EXOC4: variants seen among roughly 807,000 people sequenced by gnomAD.
The protein encoded by EXOC4 is exocyst complex component 4, also known as SEC8-like 1.
EXOC4 carries 71 observed loss-of-function variants against 107.2 expected under a neutral mutation model. The ratio of observed to expected loss-of-function variants is 0.66; its 90% CI spans 0.55 to 0.81. The LOEUF (loss-of-function observed/expected upper bound fraction) is 0.81. Among genes scored for constraint, EXOC4 ranks in the 30% least tolerant of loss-of-function variants. The pLI is 0.00. For synonymous variants in EXOC4, 456 were observed against 441.2 expected (o/e 1.03, Z -0.42); for missense variants, 1,108 against 1,189.6 (o/e 0.93, Z 1.01).
intron 10 of EXOC4, among the ~76,000 whole-genome samples, chr7:133,648,299 A>G (rs542205175): frequency 2.6e-5 from 4 of 152,236 alleles, no homozygotes; most frequent in African/African-American, 9.6e-5. Context: ...ACTTTTAGCA[A>G]CCTCACATGC....
At chr7:133,841,281 G>A (rs1192521945) in intron 11 of EXOC4, among the ~76,000 whole-genome samples, 1 of 152,114 alleles carries the variant, frequency 6.6e-6, no homozygotes, top group African/African-American at 2.4e-5. Context: ...CTGTCACCTT[G>A]GGGGTTAGGA....
At chr7:134,017,222 G>T (rs928207548) in intron 17 of EXOC4, among the ~76,000 whole-genome samples, 4 of 152,036 alleles carry the variant, frequency 2.6e-5, no homozygotes, top group African/African-American at 7.2e-5. Context: ...ATTATTAGCC[G>T]TGTAGATTTG....
intron 9 of EXOC4, among the ~76,000 whole-genome samples, chr7:133,618,904 AG>A (rs1802259687): frequency 6.6e-6 from 1 of 152,186 alleles, no homozygotes; most frequent in African/African-American, 2.4e-5. Context: ...CTGTGAAAAC[AG>A]GAAAAATGCC....
intron 13 of EXOC4, among the ~76,000 whole-genome samples, chr7:133,927,844 C>T (rs1266276814): frequency 1.3e-5 from 2 of 152,160 alleles, no homozygotes; most frequent in Non-Finnish European, 2.9e-5. Context: ...ACAGAAAAGA[C>T]AGGTCATTAA....
At chr7:133,901,615 T>C (rs1799453775) in intron 12 of EXOC4, among the ~76,000 whole-genome samples, 1 of 152,236 alleles carries the variant, frequency 6.6e-6, no homozygotes, top group Admixed American at 6.5e-5. Flanking sequence ...ATTGTCAATC[T>C]TTTATAACTG....
At chr7:133,369,876 G>A (rs906891744) in intron 6 of EXOC4, among the ~76,000 whole-genome samples, 2 of 138,526 alleles carry the variant, frequency 1.4e-5, no homozygotes, top group African/African-American at 2.8e-5. Context: ...GCGCAATTTG[G>A]CTCACCCAAC....
intron 10 of EXOC4, among the ~76,000 whole-genome samples, chr7:133,742,064 A>C (rs572988786): frequency 6.6e-6 from 1 of 152,318 alleles, no homozygotes; most frequent in East Asian, 1.9e-4. Context: ...TGTAGGTACT[A>C]AACTACTTCT....
intron 10 of EXOC4, among the ~76,000 whole-genome samples, chr7:133,676,010 G>C (rs780863954): frequency 2.0e-5 from 3 of 152,044 alleles, no homozygotes; most frequent in Non-Finnish European, 4.4e-5. Flanking sequence ...AATGTCGTCT[G>C]CTTCATGAGC....
downstream of EXOC4, among the ~76,000 whole-genome samples, chr7:134,069,645 T>G (rs899700736): frequency 3.3e-5 from 5 of 152,056 alleles, no homozygotes; most frequent in African/African-American, 1.2e-4. Flanking sequence ...CTACAGACCA[T>G]GCCCAGATAA....
chr7:133,419,759 T>C (rs1394750771), intron 7 of EXOC4, among the ~76,000 whole-genome samples: 1 of 152,144 alleles, frequency 6.6e-6, no homozygotes, highest in Non-Finnish European at 1.5e-5. Flanking sequence ...CCGACTCTTA[T>C]TATTTTCCTA....
intron 8 of EXOC4, chr7:133,479,770 G>T (rs1799109063): frequency 2.8e-6 from 1 of 359,940 alleles, no homozygotes; most frequent in Non-Finnish European, 5.2e-6. Flanking sequence ...GGGTCTGAAA[G>T]CAAAAGGAAG....
chr7:133,415,321 A>G (rs531932509), intron 7 of EXOC4, among the ~76,000 whole-genome samples: 122 of 152,246 alleles, frequency 8.0e-4, no homozygotes, highest in African/African-American at 2.7e-3. Flanking sequence ...ATTCCTGGTA[A>G]CCCTATGTTG....
chr7:133,830,852 C>A (rs114367444), intron 11 of EXOC4, among the ~76,000 whole-genome samples: 1 of 152,240 alleles, frequency 6.6e-6, no homozygotes, highest in Non-Finnish European at 1.5e-5. Context: ...AAACTTAATG[C>A]CCTCTTGCTG....
chr7:133,925,993 T>C (rs1389166009), intron 13 of EXOC4, among the ~76,000 whole-genome samples: 1 of 145,962 alleles, frequency 6.9e-6, no homozygotes, highest in African/African-American at 2.6e-5. Context: ...GAGCCGAGAT[T>C]GCGCCACTGA....
In EXOC4 at chr7:133,849,560, G is replaced by A. The variant is rs141936567; in HGVS notation, c.1734+32016G>A. ...GTTTACATAGGTTTTAATGATGGCT[G>A]TGTTTAATAACTGACTCGTGAAAGT... On this transcript the variant is annotated intron_variant, in intron 11 of 17. Coordinates refer to ENST00000253861, the MANE Select transcript of EXOC4 (RefSeq NM_021807.4). 2.0e-3 allele frequency among the ~76,000 whole-genome samples: 299 copies of A among 152,286 alleles called. 2 individuals are homozygous for A. The highest frequency in any genetic ancestry group is 6.7e-3 in the African/African-American group (280 of 41,562).
At chr7:133,603,662 A>G (rs1033408307) in intron 9 of EXOC4, among the ~76,000 whole-genome samples, 1 of 152,242 alleles carries the variant, frequency 6.6e-6, no homozygotes, top group African/African-American at 2.4e-5. Flanking sequence ...CAGTAAAAAT[A>G]CAGTTTAAAG....
At chr7:133,479,791 T>C (rs1238113059) in intron 8 of EXOC4, 1 of 441,626 alleles carries the variant, frequency 2.3e-6, no homozygotes, top group Non-Finnish European at 4.2e-6. Context: ...TTGGGACAGA[T>C]CACAGTTGTA....
intron 7 of EXOC4, among the ~76,000 whole-genome samples, chr7:133,383,121 A>G (rs1584871751): frequency 6.6e-6 from 1 of 152,290 alleles, no homozygotes; most frequent in East Asian, 1.9e-4. Context: ...CAAGTGTGTC[A>G]TATTGTTGGC....
At chr7:134,070,408 C>T (rs1328636432), downstream of EXOC4, among the ~76,000 whole-genome samples, 1 of 152,234 alleles carries the variant, frequency 6.6e-6, no homozygotes, top group Non-Finnish European at 1.5e-5. Context: ...CACAGGTTTA[C>T]ACCTGAAAAC....
Sources: gnomAD v4.1 joint callset for allele counts (sites outside exome capture counted in the v4.1 genomes callset) on GRCh38, gnomAD v4.1.1 for gene constraint, MANE v1.5 for transcripts, NCBI Gene and HGNC (gene_info 2026-07-23, HGNC 2026-07-21) for gene names.